Variants in SEC14L5 observed in about 807,000 individuals in gnomAD.
SEC14L5 encodes SEC14 like lipid binding 5.
Under a neutral mutation model 84.6 loss-of-function variants are expected in SEC14L5, and 96 were observed. That is an observed-to-expected ratio of 1.13 (90% CI 0.96 to 1.34). The LOEUF is 1.34. SEC14L5 is among the 40% of genes most tolerant of loss of function. The pLI is 0.00. For missense variants in SEC14L5, 1,224 were observed against 942.5 expected (o/e 1.30, Z -3.91); for synonymous variants, 546 against 383.4 (o/e 1.42, Z -4.95).
Position 5,008,629 on chromosome 16 carries a change from G to A in SEC14L5, c.1781G>A (p.Arg594Gln), listed in dbSNP as rs1188536681. The A allele has an allele frequency of 4.4e-6, 7 of 1,606,366 alleles. No homozygotes were observed. Among genetic ancestry groups the A allele is most frequent in the Admixed American group, 1.7e-5 (1 of 57,170 alleles). ...YSRVEAPLVC[R>Q]EGESIQGSHV... Reference sequence around the variant, plus strand: ...CGTGTGGAGGCTCCCCTTGTCTGCCGGGAGGGGGAGAGCATCCAGGTTTGC... The same window carrying A: ...CGTGTGGAGGCTCCCCTTGTCTGCCAGGAGGGGGAGAGCATCCAGGTTTGC... The change falls in exon 14 of 16, where the codon CGG (arginine) becomes CAG (glutamine). Residue 594 changes from arginine (R) to glutamine (Q), a missense_variant. Coordinates refer to ENST00000251170, the MANE Select transcript of SEC14L5 (RefSeq NM_014692.2).
At chr16:4,980,324 A>T (rs1336984396) in intron 2 of SEC14L5, among the ~76,000 whole-genome samples, 2 of 152,176 alleles carry the variant, frequency 1.3e-5, no homozygotes, top group African/African-American at 4.8e-5. Flanking sequence ...CTGTCACTGG[A>T]TACTGGGAGA....
At chr16:4,980,265 G>A (rs60855701) in intron 2 of SEC14L5, among the ~76,000 whole-genome samples, 2,697 of 152,304 alleles carry the variant, frequency 0.018, 76 homozygotes, top group African/African-American at 0.061. Flanking sequence ...TGGGATGGAC[G>A]CCTTCCAGAC....
chr16:5,011,185 G>T lies in SEC14L5; in HGVS notation c.1891G>T (p.Val631Leu). Residue 631 changes from valine to leucine, a missense_variant, in exon 15 of 16, where the codon GTG becomes TTG. By Grantham distance (32) the Val-to-Leu change is conservative. Coordinates refer to ENST00000251170, the MANE Select transcript of SEC14L5 (RefSeq NM_014692.2). Reference sequence around the variant, plus strand: ...CAGCGTGGCCTGCAGCCTCCCGGGTGTGGACGATGTCCTGACGGCTCTGCA... The same window carrying T: ...CAGCGTGGCCTGCAGCCTCCCGGGTTTGGACGATGTCCTGACGGCTCTGCA... ...PSSVACSLPG[V>L]DDVLTALHSP... 1 of 1,613,748 alleles carries T rather than the reference G, an allele frequency of 6.2e-7. No homozygotes were observed.
intron 2 of SEC14L5, among the ~76,000 whole-genome samples, chr16:4,974,787 A>T (rs1458914878): frequency 6.6e-6 from 1 of 151,306 alleles, no homozygotes; most frequent in Non-Finnish European, 1.5e-5. Flanking sequence ...CCTCATATAT[A>T]TATATTTTGA....
At chr16:4,982,297 C>A (rs11640880) in intron 2 of SEC14L5, among the ~76,000 whole-genome samples, 32,036 of 152,122 alleles carry the variant, frequency 0.21, 3,999 homozygotes, top group Admixed American at 0.26. Context: ...ATTTTTGGAG[C>A]CTGCCTTGAT....
chr16:5,003,508 C>T lies in SEC14L5; in HGVS notation c.1237C>T (p.Pro413Ser), dbSNP rs751286835. 1 of 1,613,038 alleles carries T rather than the reference C, an allele frequency of 6.2e-7. No homozygotes were observed. Among genetic ancestry groups the T allele is most frequent in the Non-Finnish European group, 8.5e-7 (1 of 1,179,634 alleles). Residue 413 changes from proline to serine, a missense_variant, in exon 11 of 16, where the codon CCA (proline) becomes TCA (serine). Transcript: ENST00000251170. ...GATTGAGGTGGTTGAGGACAATTAC[C>T]CAGAGACCCTGGGTCGGCTGCTCAT... is the stretch of plus-strand genomic sequence containing the variant. ...RMIEVVEDNY[P>S]ETLGRLLIVR...
chr16:4,991,076 C>G (rs1210664003), intron 5 of SEC14L5, among the ~76,000 whole-genome samples, 181 bp downstream of exon 5: 1 of 150,464 alleles, frequency 6.6e-6, no homozygotes, highest in African/African-American at 2.4e-5. Flanking sequence ...TGGTCTGTAA[C>G]AGGGGCACCC....
intron 2 of SEC14L5, among the ~76,000 whole-genome samples, chr16:4,971,508 C>T (rs1955279606): frequency 6.6e-6 from 1 of 152,162 alleles, no homozygotes. Context: ...GCAAAACTCT[C>T]CCTCTCCAGC....
At chr16:4,971,821 C>T (rs1184141190) in intron 2 of SEC14L5, among the ~76,000 whole-genome samples, 1 of 152,166 alleles carries the variant, frequency 6.6e-6, no homozygotes, top group Non-Finnish European at 1.5e-5. Flanking sequence ...ATTCCTTCCT[C>T]CTTTCATTCC....
At chr16:4,978,754 C>T (rs1394169143) in intron 2 of SEC14L5, among the ~76,000 whole-genome samples, 1 of 150,336 alleles carries the variant, frequency 6.7e-6, no homozygotes, top group African/African-American at 2.4e-5. Flanking sequence ...AGGCGCCTGC[C>T]ACCACGCTCG....
At chr16:4,980,696 C>T (rs751753499) in intron 2 of SEC14L5, among the ~76,000 whole-genome samples, 16 of 152,200 alleles carry the variant, frequency 1.1e-4, no homozygotes, top group South Asian at 2.1e-4. Flanking sequence ...GCACGATAAA[C>T]GCTTTCAAAG....
chr16:4,982,252 G>C lies in SEC14L5; in HGVS notation c.64-5305G>C, dbSNP rs1955432966. On this transcript the variant is annotated intron_variant, in intron 2 of 15. Coordinates refer to ENST00000251170, the MANE Select transcript of SEC14L5 (RefSeq NM_014692.2). ...TCTCTTCCTGGGAGCCAGGAGGGAA[G>C]GGGGAGGAGGTGTCTGTCCTCAGAT... is the stretch of plus-strand genomic sequence containing the variant. 2.0e-5 allele frequency among the ~76,000 whole-genome samples: 3 copies of C among 152,156 alleles called. No homozygotes were observed. The South Asian group carries it at 6.2e-4, about 31-fold the overall frequency.
rs1360005431 is a variant in SEC14L5, at chr16:4,992,133, C to G, written c.667+103C>G. ...TGTTGGGGAGAATTGCCTGCCGTCC[C>G]CCCTGGGAATGGGTCTGGGTCTTGG... On this transcript the variant is annotated intron_variant, in intron 6 of 15. Coordinates refer to ENST00000251170, the MANE Select transcript of SEC14L5 (RefSeq NM_014692.2). 5.0e-6 allele frequency: 4 copies of G among 802,534 alleles called. No homozygotes were observed. The African/African-American group carries it at 5.3e-5, about 11-fold the overall frequency. 49.7% of individuals were successfully genotyped at this position (802,534 alleles called of 1,614,324 possible).
intron 2 of SEC14L5, among the ~76,000 whole-genome samples, chr16:4,959,817 T>A (rs1390119292): frequency 6.6e-6 from 1 of 152,188 alleles, no homozygotes; most frequent in Non-Finnish European, 1.5e-5. Flanking sequence ...TATTTTCCCA[T>A]GTAACCTCCA....
chr16:4,994,804 C>T (rs1955591905), intron 6 of SEC14L5, among the ~76,000 whole-genome samples: 1 of 152,084 alleles, frequency 6.6e-6, no homozygotes, highest in Non-Finnish European at 1.5e-5. Context: ...TCTGTGCTGT[C>T]CGCCAGCAGC....
chr16:5,002,060 G>C (rs1048786971), intron 10 of SEC14L5, among the ~76,000 whole-genome samples: 4 of 152,164 alleles, frequency 2.6e-5, no homozygotes, highest in South Asian at 2.1e-4. Context: ...GTCAGCCTCT[G>C]TTCCCAGCCT....
Position 5,015,313 on chromosome 16 carries a change from G to A in SEC14L5, c.*343G>A, listed in dbSNP as rs144298394. On this transcript the variant is annotated 3_prime_UTR_variant, in exon 16 of 16. Coordinates refer to ENST00000251170, the MANE Select transcript of SEC14L5 (RefSeq NM_014692.2). ...TCTGTCCACCTCTTGCTCTGCTTTC[G>A]CCATGCAGGGGACCATCACTATCAG... is the stretch of plus-strand genomic sequence containing the variant. The A allele has an allele frequency of 9.5e-5, 24 of 252,726 alleles. No homozygotes were observed. Among genetic ancestry groups the A allele is most frequent in the Middle Eastern group, 1.3e-3 (1 of 766 alleles). The allele number at this position is 252,726 out of a possible 1,614,324, so 15.7% of individuals were successfully genotyped here. A position where few individuals can be genotyped will look rare whatever the true frequency, so the allele number is the denominator to read the frequency against.
rs547016929 is a variant in SEC14L5, at chr16:4,991,561, G to T, written c.475-277G>T. Among the ~76,000 whole-genome samples, 16 of 152,024 alleles carry T rather than the reference G, an allele frequency of 1.1e-4. No individual in the cohort carries two copies. The South Asian group carries it at 3.3e-3, about 32-fold the overall frequency. On this transcript the variant is annotated intron_variant, in intron 5 of 15. Transcript: ENST00000251170. The stretch of plus-strand genomic sequence containing the variant: ...AGCCTGGGCAACACAGCAAGACACT[G>T]TCTCAAAAAAAATAAACAAAAACAA...
chr16:4,983,668 G>T (rs758572646), intron 2 of SEC14L5, among the ~76,000 whole-genome samples: 81 of 151,680 alleles, frequency 5.3e-4, no homozygotes, highest in Non-Finnish European at 6.8e-4. Context: ...CCCGAAGTCA[G>T]GAGTTCAAGA....
Sources: allele counts gnomAD v4.1 joint callset (sites outside exome capture counted in the v4.1 genomes callset), GRCh38; gene constraint gnomAD v4.1.1; transcripts MANE v1.5; gene names NCBI Gene and HGNC (gene_info 2026-07-23, HGNC 2026-07-21).